Variants in GNAL observed in about 807,000 individuals in gnomAD.
The protein encoded by GNAL is guanine nucleotide-binding protein G(olf) subunit alpha.
In GNAL, 18 loss-of-function variants were observed where a neutral mutation model predicts 55.1. The ratio of observed to expected loss-of-function variants is 0.33; its 90% CI spans 0.23 to 0.48. GNAL has a LOEUF of 0.48. GNAL is among the 20% of genes least tolerant of loss of function. The pLI is 0.99. For missense variants in GNAL, 412 were observed against 614.1 expected (o/e 0.67, Z 3.48); for synonymous variants, 253 against 237.0 (o/e 1.07, Z -0.62).
chr18:11,774,487 A>G (rs904886906), intron 4 of GNAL, among the ~76,000 whole-genome samples: 1 of 152,244 alleles, frequency 6.6e-6, no homozygotes, highest in African/African-American at 2.4e-5. Flanking sequence ...AAGTTGATAA[A>G]TTGGCTTGAT....
rs1208505997 is a variant in GNAL, at chr18:11,872,339, G to A, written c.1103G>A (p.Gly368Glu). 1 of 1,572,280 alleles carries A rather than the reference G, an allele frequency of 6.4e-7. No homozygotes were observed. Among genetic ancestry groups the A allele is most frequent in the Admixed American group, 2.0e-5 (1 of 49,110 alleles). Residue 368 changes from glycine (G) to glutamate (E), a missense_variant, in exon 10 of 12, where the codon GGG becomes GAG. Coordinates refer to ENST00000334049, the MANE Select transcript of GNAL (RefSeq NM_182978.4). The stretch of plus-strand genomic sequence containing the variant: ...ATGCTGGCAGAAAAAGTCTTGGCAG[G>A]GAAATCAAAAATTGAAGACTATTTC... Reference protein sequence around the residue: ...QDMLAEKVLAGKSKIEDYFPE... With the variant: ...QDMLAEKVLAEKSKIEDYFPE...
chr18:11,696,378 A>G (rs578159238), intron 1 of GNAL, among the ~76,000 whole-genome samples: 2 of 151,842 alleles, frequency 1.3e-5, no homozygotes, highest in South Asian at 2.1e-4. Context: ...GGTGGCGGGC[A>G]CCTGTAGTCC....
At chr18:11,800,504 T>C (rs1291280577) in intron 4 of GNAL, among the ~76,000 whole-genome samples, 1 of 152,172 alleles carries the variant, frequency 6.6e-6, no homozygotes, top group East Asian at 1.9e-4. Context: ...AAGCAGTTTA[T>C]TGTTGTGTGG....
At chr18:11,877,664 C>T (rs528904993) in intron 11 of GNAL, among the ~76,000 whole-genome samples, 2 of 152,234 alleles carry the variant, frequency 1.3e-5, no homozygotes, top group East Asian at 3.9e-4. Context: ...GCACTTAACA[C>T]GTGTGGACAA....
chr18:11,774,931 A>G (rs1018309428), intron 4 of GNAL, among the ~76,000 whole-genome samples: 5 of 152,226 alleles, frequency 3.3e-5, no homozygotes, highest in African/African-American at 7.2e-5. Context: ...AGCTCACTAC[A>G]TGAGCCATCT....
At chr18:11,799,277 G>C (rs886258722) in intron 4 of GNAL, among the ~76,000 whole-genome samples, 2 of 152,130 alleles carry the variant, frequency 1.3e-5, no homozygotes, top group Non-Finnish European at 2.9e-5. Context: ...CATGTCTCCA[G>C]CCCAGAAGCA....
intron 9 of GNAL, among the ~76,000 whole-genome samples, chr18:11,869,204 C>T (rs540904524): frequency 3.6e-4 from 55 of 151,894 alleles, no homozygotes; most frequent in Middle Eastern, 3.4e-3. Context: ...AGTGCAGTGG[C>T]GCCATCTCGG....
intron 11 of GNAL, among the ~76,000 whole-genome samples, chr18:11,879,873 C>CT (rs1458994272): frequency 6.6e-6 from 1 of 150,826 alleles, no homozygotes; most frequent in Non-Finnish European, 1.5e-5. Flanking sequence ...GGACACCCTG[C>CT]TTAGCAGATG....
At chr18:11,876,730 T>C in intron 11 of GNAL, 42 bp downstream of exon 11, 1 of 1,068,374 alleles carries the variant, frequency 9.4e-7, no homozygotes, top group South Asian at 1.3e-5. Flanking sequence ...CCTCCCTTCT[T>C]AATCTTTTGT....
At chr18:11,824,059 T>C (rs1225740064) in intron 4 of GNAL, among the ~76,000 whole-genome samples, 4 of 152,172 alleles carry the variant, frequency 2.6e-5, no homozygotes, top group Admixed American at 2.6e-4. Flanking sequence ...CTAGTTTTTT[T>C]TAAACGAAAA....
At chr18:11,767,331 C>T (rs1598439763) in intron 4 of GNAL, among the ~76,000 whole-genome samples, 1 of 151,886 alleles carries the variant, frequency 6.6e-6, no homozygotes, top group East Asian at 2.0e-4. Context: ...CATGCTTACT[C>T]TGTGTGCACC....
Position 11,747,129 on chromosome 18 carries a change from G to A in GNAL, c.377-5724G>A, listed in dbSNP as rs552907792. The stretch of plus-strand genomic sequence containing the variant: ...TCTCAGCGCAGATCGAACTGCCCAC[G>A]CTGCCCACAGCCTTGAACTGAGAGT... On this transcript the variant is annotated intron_variant, in intron 1 of 11. Transcript: ENST00000334049. The A allele has an allele frequency of 1.9e-4, 75 of 403,454 alleles. 1 individual carries two copies. The highest frequency in any genetic ancestry group is 3.2e-4 in the South Asian group (15 of 47,372). The allele number at this position is 403,454 out of a possible 1,614,324, so 25.0% of individuals were successfully genotyped here. A position where few individuals can be genotyped will look rare whatever the true frequency, so the allele number is the denominator to read the frequency against.
intron 4 of GNAL, among the ~76,000 whole-genome samples, chr18:11,775,907 T>A (rs2033770119): frequency 6.6e-6 from 1 of 152,174 alleles, no homozygotes. Context: ...TCCCTAAGTA[T>A]CCAGACATTT....
chr18:11,856,790 G>A (rs1006610165), intron 5 of GNAL, among the ~76,000 whole-genome samples: 6 of 152,140 alleles, frequency 3.9e-5, no homozygotes, highest in Non-Finnish European at 5.9e-5. Context: ...AATTAGCCAG[G>A]CATGATGGTG....
intron 9 of GNAL, among the ~76,000 whole-genome samples, chr18:11,869,029 C>T (rs1199419795): frequency 6.6e-6 from 1 of 150,694 alleles, no homozygotes; most frequent in Non-Finnish European, 1.5e-5. Flanking sequence ...CATACCTACA[C>T]CCACACCCAC....
At chr18:11,878,546 A>G (rs539720252) in intron 11 of GNAL, among the ~76,000 whole-genome samples, 1 of 152,304 alleles carries the variant, frequency 6.6e-6, no homozygotes, top group African/African-American at 2.4e-5. Flanking sequence ...AAATAGTCAC[A>G]CTATTACAGA....
At chr18:11,755,567 G>GC (rs2033026704) in intron 4 of GNAL, among the ~76,000 whole-genome samples, 1 of 152,114 alleles carries the variant, frequency 6.6e-6, no homozygotes, top group South Asian at 2.1e-4. Context: ...GAGCCACCGT[G>GC]CCCAGCCAAG....
At chr18:11,797,982 CTT>C (rs909403364) in intron 4 of GNAL, among the ~76,000 whole-genome samples, 2 of 152,162 alleles carry the variant, frequency 1.3e-5, no homozygotes, top group African/African-American at 4.8e-5. Flanking sequence ...AACATTATAA[CTT>C]AAATGAATAA....
intron 4 of GNAL, among the ~76,000 whole-genome samples, chr18:11,788,259 CTATTT>C (rs1406462724): frequency 2.6e-5 from 4 of 152,172 alleles, no homozygotes; most frequent in African/African-American, 9.7e-5. Flanking sequence ...CTTGAGGAAT[CTATTT>C]TAATAGCTCC....
Sources: allele counts gnomAD v4.1 joint callset (sites outside exome capture counted in the v4.1 genomes callset), GRCh38; gene constraint gnomAD v4.1.1; transcripts MANE v1.5; gene names NCBI Gene and HGNC (gene_info 2026-07-23, HGNC 2026-07-21).